Variants in TENM2 observed in about 807,000 individuals in gnomAD.
TENM2 encodes teneurin transmembrane protein 2, also known as teneurin-2.
A neutral mutation model predicts 245.2 loss-of-function variants in TENM2; 52 were observed. The ratio of observed to expected loss-of-function variants is 0.21; its 90% CI spans 0.17 to 0.27. TENM2 has a LOEUF of 0.27. Among genes scored for constraint, TENM2 ranks in the 10% least tolerant of loss-of-function variants. The pLI, the probability that TENM2 is intolerant of heterozygous loss-of-function variation, is 1.00. For missense variants in TENM2, 3,046 were observed against 3,666.8 expected (o/e 0.83, Z 4.37); for synonymous variants, 1,363 against 1,438.9 (o/e 0.95, Z 1.19).
At chr5:168,203,780 C>A (rs770699528) in exon 18 of TENM2, 8 of 1,613,568 alleles carry the variant, frequency 5.0e-6, no homozygotes, top group Non-Finnish European at 6.8e-6. Flanking sequence ...TGGACCCCTC[C>A]AACCTCGGTG....
rs577137806 is a variant in TENM2 at position 167,943,646 on chromosome 5, A to G, written c.713-8942A>G. Among the ~76,000 whole-genome samples, 16 of 152,302 alleles carry G rather than the reference A, an allele frequency of 1.1e-4. 1 individual carries two copies. Among genetic ancestry groups the G allele is most frequent in the Admixed American group, 3.9e-4 (6 of 15,310 alleles). On this transcript the variant is annotated intron_variant, in intron 3 of 28. Coordinates refer to ENST00000518659, the Ensembl canonical transcript of TENM2. ...GAGAGGAGTTTAAATTTTTGATGCAATTCTCTGCCTGGGAAAGTGATAATG... is the reference window on the plus strand; with the variant it reads ...GAGAGGAGTTTAAATTTTTGATGCAGTTCTCTGCCTGGGAAAGTGATAATG...
intron 2 of TENM2, among the ~76,000 whole-genome samples, chr5:167,570,881 G>A (rs980238352): frequency 1.3e-5 from 2 of 152,156 alleles, no homozygotes; most frequent in African/African-American, 4.8e-5. Flanking sequence ...TGGCTTGAAG[G>A]ATTTTACATT....
At chr5:167,751,145 A>G (rs773714471) in intron 2 of TENM2, among the ~76,000 whole-genome samples, 9 of 152,110 alleles carry the variant, frequency 5.9e-5, no homozygotes, top group Non-Finnish European at 1.0e-4. Flanking sequence ...AGGGAAATAC[A>G]TGGTAGGAAC....
chr5:167,810,610 T>G (rs1766564007), intron 2 of TENM2, among the ~76,000 whole-genome samples: 1 of 148,386 alleles, frequency 6.7e-6, no homozygotes. Context: ...TCAAGAGAGG[T>G]GGAGAGAGAG....
intron 2 of TENM2, among the ~76,000 whole-genome samples, chr5:167,782,819 G>T (rs1020501824): frequency 4.6e-5 from 7 of 152,154 alleles, no homozygotes; most frequent in African/African-American, 1.2e-4. Context: ...TGAACATTAT[G>T]GGAAGGCTGC....
intron 2 of TENM2, among the ~76,000 whole-genome samples, chr5:167,629,734 A>G (rs988464880): frequency 2.6e-5 from 4 of 152,226 alleles, no homozygotes; most frequent in African/African-American, 7.2e-5. Flanking sequence ...AGAGTCAACT[A>G]CATTAAAGTA....
chr5:167,791,512 TA>T (rs1204364407), intron 2 of TENM2, among the ~76,000 whole-genome samples: 5 of 50,972 alleles, frequency 9.8e-5, no homozygotes, highest in Non-Finnish European at 1.5e-4. Context: ...TATATTATAA[TA>T]TATAAATATA....
intron 2 of TENM2, among the ~76,000 whole-genome samples, chr5:167,505,043 CA>C (rs1432995752): frequency 2.6e-5 from 4 of 152,202 alleles, no homozygotes; most frequent in Admixed American, 1.3e-4. Context: ...GAAAACAAAT[CA>C]GGGGTAAAGT....
At chr5:167,372,295 A>G (rs1760486416) in intron 1 of TENM2, among the ~76,000 whole-genome samples, 1 of 152,130 alleles carries the variant, frequency 6.6e-6, no homozygotes, top group Non-Finnish European at 1.5e-5. Context: ...GTTACTTTTT[A>G]AATGTATGCA....
intron 10 of TENM2, among the ~76,000 whole-genome samples, chr5:168,119,595 C>T (rs780858570): frequency 6.6e-6 from 1 of 152,172 alleles, no homozygotes; most frequent in Admixed American, 6.5e-5. Flanking sequence ...TTGGCCACAG[C>T]TGGTAGGAAG....
intron 2 of TENM2, among the ~76,000 whole-genome samples, chr5:167,760,074 G>A (rs1196717933): frequency 6.6e-6 from 1 of 152,160 alleles, no homozygotes; most frequent in Admixed American, 6.5e-5. Flanking sequence ...TAGGTATTTG[G>A]AGAGAGGAGC....
chr5:167,543,599 C>T (rs10059004), intron 2 of TENM2, among the ~76,000 whole-genome samples: 101,400 of 152,040 alleles, frequency 0.67, 34,084 homozygotes, highest in East Asian at 0.88. Context: ...AGAGCAACTG[C>T]AACAAAGTAA....
intron 2 of TENM2, among the ~76,000 whole-genome samples, chr5:167,722,591 T>C (rs532296101): frequency 5.5e-4 from 84 of 152,180 alleles, no homozygotes; most frequent in African/African-American, 2.0e-3. Flanking sequence ...CTGGCCAACA[T>C]GGTGAAACCC....
At chr5:167,142,984 T>G in the TENM2 span, among the ~76,000 whole-genome samples, 1 of 152,214 alleles carries the variant, frequency 6.6e-6, no homozygotes, top group Admixed American at 6.5e-5. Context: ...CTGTTTTCTA[T>G]CTCTACAATG....
At chr5:167,731,380 T>C (rs1054224726) in intron 2 of TENM2, among the ~76,000 whole-genome samples, 3 of 152,066 alleles carry the variant, frequency 2.0e-5, no homozygotes, top group Non-Finnish European at 4.4e-5. Flanking sequence ...TGAGAACATC[T>C]TTTATCAAGT....
At chr5:167,845,264 C>T (rs1583169065) in intron 2 of TENM2, among the ~76,000 whole-genome samples, 1 of 148,466 alleles carries the variant, frequency 6.7e-6, no homozygotes, top group Non-Finnish European at 1.5e-5. Context: ...CACACACACA[C>T]ACACACACAC....
intron 2 of TENM2, among the ~76,000 whole-genome samples, chr5:167,380,707 A>T (rs1341849518): frequency 1.3e-5 from 2 of 152,154 alleles, no homozygotes; most frequent in Non-Finnish European, 2.9e-5. Context: ...CTTCAGGGAC[A>T]CATTGGGCTT....
chr5:167,200,775 C>T, the TENM2 span, among the ~76,000 whole-genome samples: 1 of 152,228 alleles, frequency 6.6e-6, no homozygotes, highest in Middle Eastern at 3.4e-3. Context: ...GTACTTTCTG[C>T]CATAGGGTAT....
chr5:167,995,553 C>T (rs1204335082), intron 5 of TENM2, among the ~76,000 whole-genome samples: 1 of 152,136 alleles, frequency 6.6e-6, no homozygotes, highest in Admixed American at 6.5e-5. Flanking sequence ...GCCACTCTCC[C>T]GAGGTGACCG....
Sources: allele counts gnomAD v4.1 joint callset (sites outside exome capture counted in the v4.1 genomes callset), GRCh38; gene constraint gnomAD v4.1.1; transcripts MANE v1.5; gene names NCBI Gene and HGNC (gene_info 2026-07-23, HGNC 2026-07-21).